The following BEND3 variants were observed in gnomAD, a reference collection of about 807,000 sequenced individuals.
BEND3 encodes BEN domain containing 3, also known as BEN domain-containing protein 3.
In BEND3, 13 loss-of-function variants were observed where a neutral mutation model predicts 60.1. The ratio of observed to expected loss-of-function variants is 0.22; its 90% CI spans 0.14 to 0.34. BEND3 has a LOEUF of 0.34. Ranked by LOEUF, BEND3 falls within the 10% of genes least tolerant of loss-of-function variation. The pLI is 1.00. For missense variants in BEND3, 896 were observed against 1,138.1 expected (o/e 0.79, Z 3.06); for synonymous variants, 497 against 491.5 (o/e 1.01, Z -0.15).
At chr6:107,079,232 T>A (rs947925041) in intron 3 of BEND3, among the ~76,000 whole-genome samples, 2 of 152,174 alleles carry the variant, frequency 1.3e-5, no homozygotes, top group Non-Finnish European at 2.9e-5. Flanking sequence ...CCCGGGCCAC[T>A]AAGCAGCCCA....
chr6:107,110,625 A>T (rs1246622788), intron 1 of BEND3, among the ~76,000 whole-genome samples: 7 of 152,054 alleles, frequency 4.6e-5, no homozygotes, highest in Admixed American at 6.5e-5. Context: ...GTGTGGCACG[A>T]TCTTGGCTCA....
intron 3 of BEND3, among the ~76,000 whole-genome samples, chr6:107,077,277 AT>A (rs782502182): frequency 2.1e-4 from 32 of 151,732 alleles, no homozygotes; most frequent in African/African-American, 5.6e-4. Context: ...GGCCAAAACA[AT>A]TTTTTTTTAA....
At chr6:107,074,446 A>G (rs993558516) in intron 3 of BEND3, among the ~76,000 whole-genome samples, 5 of 152,102 alleles carry the variant, frequency 3.3e-5, no homozygotes, top group African/African-American at 1.2e-4. Context: ...TATTATTACA[A>G]TATGATTTAT....
intron 3 of BEND3, among the ~76,000 whole-genome samples, chr6:107,083,546 A>G (rs1345158784): frequency 6.6e-6 from 1 of 152,098 alleles, no homozygotes; most frequent in African/African-American, 2.4e-5. Context: ...CTGAGGTGGG[A>G]AGATCCACTG....
rs969535064 is a variant in BEND3, at chr6:107,113,112, C to A, written c.-12+1978G>T. Reference sequence around the variant, plus strand: ...GGCGGAAGTTGCAGCGAGAAGAGATCACGCCACTGCACTACAGCCTGGTGA... The same window carrying A: ...GGCGGAAGTTGCAGCGAGAAGAGATAACGCCACTGCACTACAGCCTGGTGA... On this transcript the variant is annotated intron_variant, in intron 1 of 3. Transcript: ENST00000369042. Among the ~76,000 whole-genome samples the A allele has an allele frequency of 5.2e-4, 78 of 151,360 alleles. 1 individual carries two copies. Among genetic ancestry groups the A allele is most frequent in the African/African-American group, 1.7e-3 (70 of 41,158 alleles).
At chr6:107,089,600 A>ATCC (rs1562309078) in intron 3 of BEND3, among the ~76,000 whole-genome samples, 3,021 of 126,698 alleles carry the variant, frequency 0.024, 47 homozygotes, top group Non-Finnish European at 0.04. Flanking sequence ...AAAAAAAAGG[A>ATCC]TTTTTTTTTT....
intron 3 of BEND3, among the ~76,000 whole-genome samples, chr6:107,079,446 T>C (rs1411327668): frequency 6.6e-6 from 1 of 152,270 alleles, no homozygotes; most frequent in East Asian, 1.9e-4. Context: ...AAGCTGCCTA[T>C]AGACAGGAGC....
chr6:107,065,688 G>A lies in BEND3; in HGVS notation c.*3016C>T, dbSNP rs1404456154. ...TCTAAATGAACCCAGTGGTCATGCT[G>A]TGGTGTGGTCAGACCAGCAACTTTT... On this transcript the variant is annotated 3_prime_UTR_variant, in exon 4 of 4. Transcript: ENST00000369042. The A allele has an allele frequency of 2.0e-5, 3 of 152,246 alleles. No individual in the cohort carries two copies. The highest frequency in any genetic ancestry group is 1.3e-4 in the Admixed American group (2 of 15,278). 9.4% of individuals were successfully genotyped at this position (152,246 alleles called of 1,614,324 possible). A position where few individuals can be genotyped will look rare whatever the true frequency, so the allele number is the denominator to read the frequency against.
At chr6:107,110,129 T>C (rs1775911249) in intron 1 of BEND3, among the ~76,000 whole-genome samples, 1 of 150,902 alleles carries the variant, frequency 6.6e-6, no homozygotes, top group Non-Finnish European at 1.5e-5. Context: ...AGCCTAGGAG[T>C]TCAAGATCAA....
intron 1 of BEND3, among the ~76,000 whole-genome samples, chr6:107,104,271 C>CA (rs1554237101): frequency 8.0e-6 from 1 of 124,996 alleles, no homozygotes; most frequent in Non-Finnish European, 1.6e-5. Context: ...GCCTGGGCGA[C>CA]AGAGCGAGAC....
chr6:107,099,323 T>C (rs782111779), intron 1 of BEND3, 27 bp from the exon 2 acceptor site: 7 of 1,577,208 alleles, frequency 4.4e-6, no homozygotes, highest in East Asian at 2.2e-5. Flanking sequence ...AGACAATGTG[T>C]TGACTTATTG....
chr6:107,098,213 C>T (rs1554236264), intron 3 of BEND3, among the ~76,000 whole-genome samples: 1 of 152,200 alleles, frequency 6.6e-6, no homozygotes, highest in African/African-American at 2.4e-5. Flanking sequence ...CCCACTTTTG[C>T]AAGAATCAGC....
intron 2 of BEND3, 83 bp downstream of exon 2, chr6:107,099,166 A>G: frequency 1.7e-6 from 2 of 1,161,036 alleles, no homozygotes; most frequent in Non-Finnish European, 2.6e-6. Flanking sequence ...ATAACTTTGT[A>G]TATTTTTGGA....
intron 1 of BEND3, among the ~76,000 whole-genome samples, chr6:107,108,425 G>A (rs1444394363): frequency 2.0e-5 from 3 of 152,222 alleles, no homozygotes; most frequent in African/African-American, 7.2e-5. Context: ...AAGGTGGAAG[G>A]AGGGACCGCA....
At chr6:107,103,308 A>C (rs1775739006) in intron 1 of BEND3, among the ~76,000 whole-genome samples, 1 of 152,170 alleles carries the variant, frequency 6.6e-6, no homozygotes, top group Non-Finnish European at 1.5e-5. Flanking sequence ...TGAGGGTCAC[A>C]AGCTCTGCTC....
At chr6:107,100,318 C>T (rs1399719550) in intron 1 of BEND3, among the ~76,000 whole-genome samples, 1 of 152,178 alleles carries the variant, frequency 6.6e-6, no homozygotes, top group Non-Finnish European at 1.5e-5. Flanking sequence ...TCTTGGCTCA[C>T]TGCAACCTCC....
At chr6:107,100,482 T>C (rs1470644832) in intron 1 of BEND3, among the ~76,000 whole-genome samples, 2 of 151,570 alleles carry the variant, frequency 1.3e-5, no homozygotes, top group Non-Finnish European at 2.9e-5. Flanking sequence ...TTAGCCAGGA[T>C]GGTCTCGATC....
chr6:107,096,378 G>A (rs1208608611), intron 3 of BEND3, among the ~76,000 whole-genome samples: 1 of 152,182 alleles, frequency 6.6e-6, no homozygotes, highest in Non-Finnish European at 1.5e-5. Flanking sequence ...CTGGAAGGCC[G>A]AGGCGAGTGA....
chr6:107,086,147 G>T (rs1554234221), intron 3 of BEND3, among the ~76,000 whole-genome samples: 2 of 152,118 alleles, frequency 1.3e-5, no homozygotes, highest in Non-Finnish European at 2.9e-5. Flanking sequence ...TAAACCTGCA[G>T]GGGTTTTATC....
Sources: gnomAD v4.1 joint callset for allele counts (sites outside exome capture counted in the v4.1 genomes callset) on GRCh38, gnomAD v4.1.1 for gene constraint, MANE v1.5 for transcripts, NCBI Gene and HGNC (gene_info 2026-07-23, HGNC 2026-07-21) for gene names.